UAP1: variants seen among roughly 807,000 people sequenced by gnomAD.
UAP1 encodes UDP-N-acetylglucosamine pyrophosphorylase 1, also known as UDP-N-acetylhexosamine pyrophosphorylase.
A neutral mutation model predicts 58.5 loss-of-function variants in UAP1; 25 were observed. That is an observed-to-expected ratio of 0.43 (90% CI 0.31 to 0.60). The LOEUF is 0.60. Ranked by LOEUF, UAP1 falls within the 20% of genes least tolerant of loss-of-function variation. The pLI is 0.11. For synonymous variants in UAP1, 208 were observed against 213.0 expected (o/e 0.98, Z 0.21); for missense variants, 575 against 630.0 (o/e 0.91, Z 0.93).
At chr1:162,585,481 T>G (rs1331968331) in intron 5 of UAP1, among the ~76,000 whole-genome samples, 1 of 151,864 alleles carries the variant, frequency 6.6e-6, no homozygotes, top group Non-Finnish European at 1.5e-5. Flanking sequence ...AGGCTGGTCT[T>G]GAACTCCTGA....
At chr1:162,600,620 G>T (rs934883280), downstream of UAP1, among the ~76,000 whole-genome samples, 3 of 151,368 alleles carry the variant, frequency 2.0e-5, no homozygotes, top group African/African-American at 7.3e-5. Context: ...TGTCATTCAT[G>T]GGGTGGGTCT....
intron 1 of UAP1, among the ~76,000 whole-genome samples, 185 bp from the exon 2 acceptor site, chr1:162,565,827 A>G (rs752982777): frequency 1.3e-5 from 2 of 152,230 alleles, no homozygotes; most frequent in Non-Finnish European, 2.9e-5. Flanking sequence ...AAGGTAAAGT[A>G]CTTAGAAGTG....
rs564861581 is a variant in UAP1, at chr1:162,574,795, AT to A, written c.281-1969del. Among the ~76,000 whole-genome samples, 832 of 146,108 alleles carry A rather than the reference AT, an allele frequency of 5.7e-3. 1 individual carries two copies. The highest frequency in any genetic ancestry group is 0.013 in the African/African-American group (527 of 40,212). On this transcript the variant is annotated intron_variant, in intron 2 of 10. Transcript: ENST00000271469. ...GGTCTTAGGAATGGATTATGGCAAG[AT>A]TTTTTTTTTTTTAATTCAGACTGAG...
intron 5 of UAP1, among the ~76,000 whole-genome samples, chr1:162,584,418 A>C (rs1654786971): frequency 6.6e-6 from 1 of 152,248 alleles, no homozygotes; most frequent in Non-Finnish European, 1.5e-5. Context: ...TGTATCTTAA[A>C]GCACCTAAGT....
intron 4 of UAP1, among the ~76,000 whole-genome samples, chr1:162,580,476 T>G (rs1389914980): frequency 5.3e-5 from 8 of 152,214 alleles, no homozygotes. Flanking sequence ...GGACAGTGTA[T>G]TGCCTGTGTA....
rs1027468390 is a variant in UAP1, at chr1:162,576,502, G to T, written c.281-275G>T. The stretch of plus-strand genomic sequence containing the variant: ...TTTTATTAGCAAGGTAGTCATCCAC[G>T]ATTCTATGTAGATTCTGTATTCTCT... On this transcript the variant is annotated intron_variant, in intron 2 of 10. Transcript: ENST00000271469. Among the ~76,000 whole-genome samples, 3 of 152,174 alleles carry T rather than the reference G, an allele frequency of 2.0e-5. No homozygotes were observed. The East Asian group carries it at 5.8e-4, about 29-fold the overall frequency.
chr1:162,566,949 C>T (rs1653549480), intron 2 of UAP1, among the ~76,000 whole-genome samples: 1 of 152,154 alleles, frequency 6.6e-6, no homozygotes, highest in South Asian at 2.1e-4. Flanking sequence ...ATCTTTAAAC[C>T]TGCCCTAACC....
intron 3 of UAP1, among the ~76,000 whole-genome samples, chr1:162,578,965 AAGTATAATTAT>A (rs1654380514): frequency 6.6e-6 from 1 of 152,140 alleles, no homozygotes; most frequent in Non-Finnish European, 1.5e-5. Flanking sequence ...TGACAACAGA[AAGTATAATTAT>A]ACTTTTATGA....
exon 6 of UAP1, chr1:162,587,599 G>A (rs757645665): frequency 1.9e-6 from 3 of 1,614,082 alleles, no homozygotes; most frequent in South Asian, 2.2e-5. Context: ...TCAGACGGAC[G>A]ACTGCTGTTC....
exon 11 of UAP1, chr1:162,599,425 T>G: frequency 9.2e-7 from 1 of 1,087,450 alleles, no homozygotes; most frequent in Non-Finnish European, 1.4e-6. Context: ...AGACCAACTG[T>G]GAACCTACAA....
chr1:162,585,428 T>A (rs1654847584), intron 5 of UAP1, among the ~76,000 whole-genome samples: 1 of 151,486 alleles, frequency 6.6e-6, no homozygotes, highest in Non-Finnish European at 1.5e-5. Context: ...GGCTAATTTT[T>A]TTTTTTAATT....
intron 1 of UAP1, among the ~76,000 whole-genome samples, chr1:162,565,484 C>G (rs1213579979): frequency 6.6e-6 from 1 of 152,064 alleles, no homozygotes; most frequent in Non-Finnish European, 1.5e-5. Context: ...ATGTATTTTT[C>G]CTTATTATAG....
At chr1:162,587,429 A>G (rs768512021) in intron 5 of UAP1, 46 bp from the exon 6 acceptor site, 1 of 1,515,818 alleles carries the variant, frequency 6.6e-7, no homozygotes, top group Admixed American at 2.0e-5. Flanking sequence ...CTCCAAAGAA[A>G]CATTTAATTC....
chr1:162,589,424 A>G (rs920648258), intron 7 of UAP1, among the ~76,000 whole-genome samples: 9 of 149,380 alleles, frequency 6.0e-5, no homozygotes, highest in Non-Finnish European at 1.3e-4. Flanking sequence ...AAGTGCTGGG[A>G]TTATAGGCTT....
At chr1:162,579,933 C>T (rs1325872710) in intron 4 of UAP1, among the ~76,000 whole-genome samples, 2 of 152,280 alleles carry the variant, frequency 1.3e-5, no homozygotes, top group Middle Eastern at 3.4e-3. Context: ...GGCGCAATCT[C>T]GGCTCACTGC....
At chr1:162,589,657 CA>C (rs1014591533) in intron 7 of UAP1, among the ~76,000 whole-genome samples, 1 of 151,886 alleles carries the variant, frequency 6.6e-6, no homozygotes. Flanking sequence ...TTGACGAGTG[CA>C]AAAATGAGAA....
intron 4 of UAP1, 125 bp from the exon 5 acceptor site, chr1:162,581,162 A>G (rs1654563458): frequency 9.7e-7 from 1 of 1,025,646 alleles, no homozygotes; most frequent in Middle Eastern, 2.5e-4. Context: ...ATGGATATTC[A>G]GTTTTCTTGC....
chr1:162,597,667 A>C, intron 9 of UAP1, 125 bp from the exon 10 acceptor site: 1 of 713,318 alleles, frequency 1.4e-6, no homozygotes, highest in Non-Finnish European at 2.4e-6. Flanking sequence ...GGTAGCATCT[A>C]TTCCATTTGT....
intron 5 of UAP1, 55 bp downstream of exon 5, chr1:162,581,514 C>A: frequency 6.6e-7 from 1 of 1,521,034 alleles, no homozygotes; most frequent in South Asian, 1.3e-5. Context: ...CTGTCATATA[C>A]GCATTCCAGA....
Sources: allele counts gnomAD v4.1 joint callset (sites outside exome capture counted in the v4.1 genomes callset), GRCh38; gene constraint gnomAD v4.1.1; transcripts MANE v1.5; gene names NCBI Gene and HGNC (gene_info 2026-07-23, HGNC 2026-07-21).